Variants in NELL2 observed in about 807,000 individuals in gnomAD.
The protein encoded by NELL2 is protein kinase C-binding protein NELL2.
Under a neutral mutation model 109.6 loss-of-function variants are expected in NELL2, and 41 were observed. The observed-to-expected ratio is 0.37, with a 90% CI of 0.29 to 0.49. NELL2 has a LOEUF of 0.49. NELL2 is among the 20% of genes least tolerant of loss of function. NELL2 has a pLI of 0.98. For missense variants in NELL2, 900 were observed against 1,008.3 expected, an observed-to-expected ratio of 0.89 and a Z score of 1.45; for synonymous variants, 355 against 344.7, an observed-to-expected ratio of 1.03 and a Z score of -0.33.
chr12:44,615,848 A>G (rs760584990), intron 13 of NELL2, among the ~76,000 whole-genome samples: 2 of 152,110 alleles, frequency 1.3e-5, no homozygotes, highest in Non-Finnish European at 2.9e-5. Flanking sequence ...TTCATACTAA[A>G]ACCCACATTT....
intron 9 of NELL2, among the ~76,000 whole-genome samples, chr12:44,763,983 C>A (rs1255829119): frequency 1.3e-5 from 2 of 152,128 alleles, no homozygotes; most frequent in Non-Finnish European, 2.9e-5. Context: ...AACCACCCAG[C>A]ATAAACTAAA....
At chr12:44,590,978 A>G (rs1471806695) in intron 15 of NELL2, among the ~76,000 whole-genome samples, 1 of 152,174 alleles carries the variant, frequency 6.6e-6, no homozygotes, top group African/African-American at 2.4e-5. Flanking sequence ...CTGGATTGAC[A>G]TTTCTCAACA....
intron 13 of NELL2, among the ~76,000 whole-genome samples, chr12:44,617,491 T>C (rs1282214231): frequency 9.3e-6 from 1 of 107,654 alleles, no homozygotes; most frequent in Non-Finnish European, 1.8e-5. Context: ...ATCGAGACCA[T>C]CCTGGCTAAA....
chr12:44,637,883 T>C (rs1272798861), intron 13 of NELL2, among the ~76,000 whole-genome samples: 2 of 151,968 alleles, frequency 1.3e-5, no homozygotes, highest in African/African-American at 4.8e-5. Context: ...ATAATACTAG[T>C]CTTGTCCAGC....
At chr12:44,686,376 C>T (rs981599498) in intron 12 of NELL2, among the ~76,000 whole-genome samples, 15 of 152,126 alleles carry the variant, frequency 9.9e-5, no homozygotes, top group South Asian at 2.1e-4. Context: ...TCCCGTAGCT[C>T]GGAGTAATTT....
At position 44,523,404 on chromosome 12, in the gene NELL2, G is replaced by T; in HGVS notation, c.1885C>A (p.Arg629=). Residue 629 remains arginine, a synonymous_variant, in exon 17 of 20, where the codon CGA becomes AGA. Coordinates refer to ENST00000429094, the MANE Select transcript of NELL2 (RefSeq NM_001145108.2). ...CFNLDGGYDC[R]CPHGKNCTGD... ...GTGCAATTCTTTCCATGAGGACATC[G>T]ACAATCATATCCGCCATCCAAATTG... 1 of 1,614,028 alleles carries T rather than the reference G, an allele frequency of 6.2e-7. No individual in the cohort carries two copies. Among genetic ancestry groups the T allele is most frequent in the Non-Finnish European group, 8.5e-7 (1 of 1,179,992 alleles).
intron 15 of NELL2, among the ~76,000 whole-genome samples, chr12:44,567,051 C>T (rs987107783): frequency 6.6e-6 from 1 of 152,110 alleles, no homozygotes; most frequent in East Asian, 1.9e-4. Flanking sequence ...ACCTTGTGAT[C>T]CACCTGCCTT....
At chr12:44,681,072 G>C (rs920888060) in intron 12 of NELL2, among the ~76,000 whole-genome samples, 1 of 149,504 alleles carries the variant, frequency 6.7e-6, no homozygotes, top group Non-Finnish European at 1.5e-5. Context: ...TTTTATTGTC[G>C]TAAACTTTTC....
chr12:44,712,391 G>A (rs1938251674), intron 10 of NELL2, among the ~76,000 whole-genome samples: 1 of 151,976 alleles, frequency 6.6e-6, no homozygotes, highest in Non-Finnish European at 1.5e-5. Context: ...GGAGTCAAAC[G>A]CTAGTCTTCT....
intron 15 of NELL2, among the ~76,000 whole-genome samples, chr12:44,598,155 T>C (rs1945042348): frequency 8.7e-6 from 1 of 114,754 alleles, no homozygotes; most frequent in South Asian, 3.1e-4. Context: ...GAATATAATT[T>C]ATTCTCTCAA....
chr12:44,683,278 A>G (rs1948592157), intron 12 of NELL2, among the ~76,000 whole-genome samples: 1 of 151,890 alleles, frequency 6.6e-6, no homozygotes, highest in African/African-American at 2.4e-5. Context: ...TTGTATCCTG[A>G]GACTTTGCTG....
At chr12:44,855,214 T>C (rs1432936414) in intron 2 of NELL2, among the ~76,000 whole-genome samples, 2 of 152,192 alleles carry the variant, frequency 1.3e-5, no homozygotes, top group Non-Finnish European at 2.9e-5. Flanking sequence ...GAGCTCAGTT[T>C]GAGACAATGG....
chr12:44,639,553 A>G (rs1300818473), intron 13 of NELL2, among the ~76,000 whole-genome samples: 1 of 152,152 alleles, frequency 6.6e-6, no homozygotes, highest in East Asian at 1.9e-4. Flanking sequence ...AGTTCAATCT[A>G]GAAATATGAG....
intron 15 of NELL2, among the ~76,000 whole-genome samples, chr12:44,551,815 A>T (rs1347924827): frequency 3.3e-5 from 5 of 152,164 alleles, no homozygotes; most frequent in African/African-American, 1.2e-4. Flanking sequence ...GTGGCTTTTT[A>T]AAAAAACCAC....
intron 13 of NELL2, among the ~76,000 whole-genome samples, chr12:44,664,154 T>C (rs1195202480): frequency 6.6e-6 from 1 of 152,098 alleles, no homozygotes; most frequent in Non-Finnish European, 1.5e-5. Flanking sequence ...TCTTTTATAT[T>C]CTTTTTATGC....
intron 13 of NELL2, among the ~76,000 whole-genome samples, chr12:44,630,832 T>C (rs1363471737): frequency 6.6e-6 from 1 of 152,134 alleles, no homozygotes; most frequent in Non-Finnish European, 1.5e-5. Flanking sequence ...TGCTGTTAGA[T>C]GGAATAAAGA....
At chr12:44,532,287 C>T (rs534393633) in intron 16 of NELL2, among the ~76,000 whole-genome samples, 5 of 152,124 alleles carry the variant, frequency 3.3e-5, no homozygotes, top group East Asian at 3.9e-4. Context: ...TGCATGCTTT[C>T]GTTTTAAAAA....
intron 13 of NELL2, among the ~76,000 whole-genome samples, chr12:44,630,943 C>G (rs1296124397): frequency 2.0e-5 from 3 of 151,982 alleles, no homozygotes; most frequent in African/African-American, 7.2e-5. Context: ...TTTGTGTTGG[C>G]CCCCTTGCCT....
intron 9 of NELL2, among the ~76,000 whole-genome samples, chr12:44,720,702 A>G (rs2136453422): frequency 6.6e-6 from 1 of 152,304 alleles, no homozygotes; most frequent in African/African-American, 2.4e-5. Context: ...GTGCTTAAAT[A>G]ATTCACAAAT....
Sources: allele counts gnomAD v4.1 joint callset (sites outside exome capture counted in the v4.1 genomes callset), GRCh38; gene constraint gnomAD v4.1.1; transcripts MANE v1.5; gene names NCBI Gene and HGNC (gene_info 2026-07-23, HGNC 2026-07-21).